The following ALK variants were observed in gnomAD, a reference collection of about 807,000 sequenced individuals.
ALK encodes ALK receptor tyrosine kinase, also known as ALK tyrosine kinase receptor.
Under a neutral mutation model 163.1 loss-of-function variants are expected in ALK, and 74 were observed. The observed-to-expected ratio is 0.45, with a 90% CI of 0.38 to 0.55. The LOEUF (loss-of-function observed/expected upper bound fraction) is 0.55, where lower values mean the gene tolerates loss of function less well. Among genes scored for constraint, ALK ranks in the 20% least tolerant of loss-of-function variants. The pLI, the probability that ALK is intolerant of heterozygous loss-of-function variation, is 0.00. For synonymous variants in ALK, 960 were observed against 843.2 expected (o/e 1.14, Z -2.40); for missense variants, 2,063 against 2,105.3 (o/e 0.98, Z 0.39).
At chr2:29,248,353 C>T (rs1405849590) in intron 12 of ALK, among the ~76,000 whole-genome samples, 2 of 152,124 alleles carry the variant, frequency 1.3e-5, no homozygotes, top group Middle Eastern at 3.2e-3. Context: ...ATTGCAGCTA[C>T]TCGAGAGGCT....
chr2:29,782,455 T>C (rs539304664), intron 1 of ALK, among the ~76,000 whole-genome samples: 3 of 152,284 alleles, frequency 2.0e-5, no homozygotes, highest in Admixed American at 2.0e-4. Context: ...CATTTTCTTC[T>C]TTGGTGCCCC....
chr2:29,487,875 C>G (rs142993989), intron 4 of ALK, among the ~76,000 whole-genome samples: 4 of 152,152 alleles, frequency 2.6e-5, no homozygotes, highest in African/African-American at 9.7e-5. Context: ...AAAGCCTGCC[C>G]GCTATCCCGT....
intron 3 of ALK, among the ~76,000 whole-genome samples, chr2:29,572,499 C>A (rs1400066706): frequency 6.6e-6 from 1 of 152,148 alleles, no homozygotes; most frequent in Non-Finnish European, 1.5e-5. Flanking sequence ...TTGTCACTTG[C>A]CCTGCATGCC....
At chr2:29,636,203 G>A (rs891532381) in intron 3 of ALK, among the ~76,000 whole-genome samples, 1 of 152,064 alleles carries the variant, frequency 6.6e-6, no homozygotes, top group Non-Finnish European at 1.5e-5. Flanking sequence ...TGAGAACACA[G>A]AAACAGACAC....
At chr2:29,451,173 T>C (rs1448914169) in intron 4 of ALK, among the ~76,000 whole-genome samples, 1 of 152,186 alleles carries the variant, frequency 6.6e-6, no homozygotes, top group Admixed American at 6.5e-5. Context: ...TTGAGAATGC[T>C]TTCAGGTTTC....
At chr2:29,203,643 C>T (rs1010232210) in intron 26 of ALK, among the ~76,000 whole-genome samples, 4 of 151,424 alleles carry the variant, frequency 2.6e-5, no homozygotes, top group Non-Finnish European at 4.4e-5. Flanking sequence ...CCCGCCACCA[C>T]GCCCAGCTAA....
chr2:29,849,421 A>G (rs1399985017), intron 1 of ALK, among the ~76,000 whole-genome samples: 1 of 152,184 alleles, frequency 6.6e-6, no homozygotes, highest in Non-Finnish European at 1.5e-5. Context: ...TGGCAGAATT[A>G]CAGGAGGCAG....
At chr2:29,540,676 A>AT (rs1673391189) in intron 3 of ALK, among the ~76,000 whole-genome samples, 1 of 146,650 alleles carries the variant, frequency 6.8e-6, no homozygotes, top group Non-Finnish European at 1.5e-5. Context: ...AGTTTTTATT[A>AT]TTTTCTCACA....
At chr2:29,603,971 AT>A (rs1675449471) in intron 3 of ALK, among the ~76,000 whole-genome samples, 1 of 151,866 alleles carries the variant, frequency 6.6e-6, no homozygotes, top group African/African-American at 2.4e-5. Context: ...GCAATTGGTG[AT>A]TACATGAAAA....
At chr2:29,499,141 C>G (rs754384462) in intron 4 of ALK, among the ~76,000 whole-genome samples, 2 of 152,098 alleles carry the variant, frequency 1.3e-5, no homozygotes, top group African/African-American at 2.4e-5. Context: ...CGTTCCTCAC[C>G]CCGGTTTTGT....
intron 26 of ALK, among the ~76,000 whole-genome samples, chr2:29,200,755 ATATATGTATATATATACG>A (rs1380371781): frequency 2.8e-5 from 3 of 107,416 alleles, no homozygotes; most frequent in East Asian, 2.5e-4. Flanking sequence ...ATATATACGT[ATATATGTATATATATACG>A]TATATATATG....
At chr2:29,493,799 C>T (rs988364482) in intron 4 of ALK, among the ~76,000 whole-genome samples, 1 of 152,198 alleles carries the variant, frequency 6.6e-6, no homozygotes, top group African/African-American at 2.4e-5. Flanking sequence ...TGAACAGGCT[C>T]CCTGGAGGTA....
At chr2:29,262,251 T>C (rs1665107265) in intron 11 of ALK, among the ~76,000 whole-genome samples, 1 of 152,256 alleles carries the variant, frequency 6.6e-6, no homozygotes, top group African/African-American at 2.4e-5. Flanking sequence ...TCCCTCTTTC[T>C]ACAACACGAA....
intron 4 of ALK, among the ~76,000 whole-genome samples, chr2:29,487,007 C>T (rs1221484798): frequency 2.0e-5 from 3 of 152,064 alleles, no homozygotes; most frequent in African/African-American, 7.2e-5. Context: ...GTAACAATGG[C>T]GAATACAATG....
At chr2:29,489,598 C>T (rs1470069828) in intron 4 of ALK, among the ~76,000 whole-genome samples, 3 of 152,194 alleles carry the variant, frequency 2.0e-5, no homozygotes, top group African/African-American at 7.2e-5. Context: ...CTGTGCCTGG[C>T]CCTCCAAAGA....
intron 9 of ALK, among the ~76,000 whole-genome samples, chr2:29,285,939 A>T (rs1665845646): frequency 6.6e-6 from 1 of 152,162 alleles, no homozygotes; most frequent in Non-Finnish European, 1.5e-5. Flanking sequence ...TCTCCCAAAA[A>T]GATTTCTCAG....
In ALK at chr2:29,920,009, G is replaced by GAA; in HGVS notation, c.649_650dup (p.Gln218SerfsTer32). On this transcript the variant is annotated frameshift_variant, in exon 1 of 29. Coordinates refer to ENST00000389048, the MANE Select transcript of ALK (RefSeq NM_004304.5). LOFTEE classifies it high-confidence loss of function. ...GCTGCTCACCAGTCCCGAAGATCTG[G>GAA]AAGAGAAGGCGGGGCTGGGAGGCGC... is the stretch of plus-strand genomic sequence containing the variant. The GAA allele has an allele frequency of 1.2e-6, 2 of 1,614,004 alleles. No individual in the cohort carries two copies. Among genetic ancestry groups the GAA allele is most frequent in the Non-Finnish European group, 1.7e-6 (2 of 1,179,960 alleles).
At chr2:29,389,864 G>C (rs1669119819) in intron 4 of ALK, among the ~76,000 whole-genome samples, 2 of 152,126 alleles carry the variant, frequency 1.3e-5, no homozygotes, top group South Asian at 2.1e-4. Context: ...TGCCAAGAGC[G>C]AATCAGAAGG....
intron 5 of ALK, among the ~76,000 whole-genome samples, chr2:29,329,048 G>T (rs1348207628): frequency 6.6e-6 from 1 of 152,130 alleles, no homozygotes; most frequent in Non-Finnish European, 1.5e-5. Flanking sequence ...CCTCCTGCCT[G>T]GCTGTATGAG....
Sources: allele counts gnomAD v4.1 joint callset (sites outside exome capture counted in the v4.1 genomes callset), GRCh38; gene constraint gnomAD v4.1.1; transcripts MANE v1.5; gene names NCBI Gene and HGNC (gene_info 2026-07-23, HGNC 2026-07-21).